The following NHERF2 variants were observed in gnomAD, a reference collection of about 807,000 sequenced individuals.
NHERF2 encodes Na(+)/H(+) exchange regulatory cofactor NHE-RF2.
the NHERF2 span, chr16:2,029,718 A>T: frequency 2.8e-6 from 4 of 1,444,868 alleles, no homozygotes; most frequent in East Asian, 1.1e-4. Context: ...CCCGCCCACG[A>T]CCCCTGGGAG....
At chr16:2,032,010 ATTTC>A in the NHERF2 span, among the ~76,000 whole-genome samples, 11 of 142,390 alleles carry the variant, frequency 7.7e-5, no homozygotes, top group Non-Finnish European at 1.2e-4. This position sits in a 1 kb window ranked among gnomAD's most constrained non-coding sequence, Gnocchi z 4.0. Flanking sequence ...CTGAGGTTTC[ATTTC>A]TTTCTTTCTT....
At chr16:2,030,646 A>G in the NHERF2 span, among the ~76,000 whole-genome samples, 67 of 149,298 alleles carry the variant, frequency 4.5e-4, 1 homozygote, top group East Asian at 9.2e-3. Flanking sequence ...TTCATTTTCA[A>G]AGAGAACCCT....
the NHERF2 span, among the ~76,000 whole-genome samples, chr16:2,030,307 A>G: frequency 1.3e-5 from 2 of 152,104 alleles, no homozygotes; most frequent in African/African-American, 4.8e-5. Context: ...GGCTGGGAGC[A>G]TGGGAGTGGA....
chr16:2,037,015 C>T, the NHERF2 span: 3 of 1,549,236 alleles, frequency 1.9e-6, no homozygotes, highest in Middle Eastern at 2.1e-4. Context: ...GGGTGGGGTG[C>T]CCATGAGACA....
chr16:2,028,374 C>T, the NHERF2 span, among the ~76,000 whole-genome samples: 3 of 152,124 alleles, frequency 2.0e-5, no homozygotes, highest in African/African-American at 7.2e-5. Flanking sequence ...GCTGCCAGGG[C>T]TGGGGCCAGG....
chr16:2,037,595 A>C, the NHERF2 span: 3 of 1,612,712 alleles, frequency 1.9e-6, no homozygotes, highest in Non-Finnish European at 2.5e-6. Flanking sequence ...CGACAAGGAC[A>C]CTGAGGTATG....
At chr16:2,033,085 G>C in the NHERF2 span, 73 of 985,286 alleles carry the variant, frequency 7.4e-5, no homozygotes, top group Non-Finnish European at 8.7e-5. Context: ...TCCTGGGGCA[G>C]GGCAGGGCCT....
chr16:2,026,936 C>G, the NHERF2 span: 1 of 597,600 alleles, frequency 1.7e-6, no homozygotes, highest in African/African-American at 2.0e-5. Flanking sequence ...CCGCCGGGTG[C>G]CCAGCGCCGC....
the NHERF2 span, chr16:2,035,512 C>T: frequency 8.0e-5 from 79 of 986,324 alleles, no homozygotes; most frequent in Admixed American, 1.0e-3. Flanking sequence ...TCAAGCTTGG[C>T]GCTCCCTGGA....
chr16:2,035,537 C>T, the NHERF2 span: 1 of 986,608 alleles, frequency 1.0e-6, no homozygotes, highest in South Asian at 4.7e-5. Flanking sequence ...TGAGCTGCCT[C>T]CTGCCTGCTC....
the NHERF2 span, chr16:2,027,327 G>C: frequency 4.4e-5 from 26 of 584,588 alleles, no homozygotes; most frequent in Middle Eastern, 1.6e-3. Context: ...GGGAGGACGC[G>C]GACGTTGTCG....
the NHERF2 span, among the ~76,000 whole-genome samples, chr16:2,028,729 C>G: frequency 1.3e-5 from 2 of 152,114 alleles, no homozygotes; most frequent in Non-Finnish European, 2.9e-5. Flanking sequence ...TGGTGGGGAG[C>G]CTTGTCCACC....
At chr16:2,031,545 C>G in the NHERF2 span, among the ~76,000 whole-genome samples, 1 of 152,148 alleles carries the variant, frequency 6.6e-6, no homozygotes, top group Admixed American at 6.5e-5. Context: ...TCCCCCTCTG[C>G]TATTTCAGGC....
At chr16:2,030,743 C>T in the NHERF2 span, among the ~76,000 whole-genome samples, 1 of 151,536 alleles carries the variant, frequency 6.6e-6, no homozygotes, top group African/African-American at 2.4e-5. Flanking sequence ...ATTTTGAGAC[C>T]AGCTTGACTA....
chr16:2,036,730 G>C, the NHERF2 span: 1 of 1,611,890 alleles, frequency 6.2e-7, no homozygotes, highest in Non-Finnish European at 8.5e-7. Flanking sequence ...GGCGGCAGGT[G>C]AACGGGCAGA....
chr16:2,036,981 G>C, the NHERF2 span: 1 of 1,552,020 alleles, frequency 6.4e-7, no homozygotes. Flanking sequence ...CGTCACCAAT[G>C]GAACCAGCCC....
chr16:2,030,480 G>A, the NHERF2 span, among the ~76,000 whole-genome samples: 3 of 152,190 alleles, frequency 2.0e-5, no homozygotes, highest in East Asian at 1.9e-4. Flanking sequence ...GTACAGGGGC[G>A]GCCTGCTCCA....
the NHERF2 span, chr16:2,033,216 C>T: frequency 1.3e-6 from 2 of 1,491,846 alleles, no homozygotes; most frequent in Non-Finnish European, 1.8e-6. Flanking sequence ...GTGACTCAGC[C>T]CCCACGTCCC....
At chr16:2,037,497 G>T in the NHERF2 span, 2 of 1,551,290 alleles carry the variant, frequency 1.3e-6, no homozygotes, top group Non-Finnish European at 1.8e-6. Context: ...TGCAGGTGTT[G>T]TGTGTGTCTG....
Sources: gnomAD v4.1 joint callset for allele counts (sites outside exome capture counted in the v4.1 genomes callset) on GRCh38, gnomAD v4.1.1 for gene constraint, Gnocchi (gnomAD v3.1) non-coding constraint, MANE v1.5 for transcripts, NCBI Gene and HGNC (gene_info 2026-07-23, HGNC 2026-07-21) for gene names.